Variants in QKI observed in about 807,000 individuals in gnomAD.
The protein encoded by QKI is KH domain-containing RNA-binding protein QKI.
QKI carries 10 observed loss-of-function variants against 39.0 expected under a neutral mutation model. The observed-to-expected ratio is 0.26, with a 90% CI of 0.16 to 0.43. The LOEUF is 0.43. QKI is among the 20% of genes least tolerant of loss of function. The pLI, the probability that QKI is intolerant of heterozygous loss-of-function variation, is 1.00. For missense variants in QKI, 218 were observed against 428.0 expected, an observed-to-expected ratio of 0.51 and a Z score of 4.33; for synonymous variants, 204 against 155.4, an observed-to-expected ratio of 1.31 and a Z score of -2.33.
chr6:163,519,768 T>C (rs1319511813), intron 3 of QKI, among the ~76,000 whole-genome samples: 2 of 152,144 alleles, frequency 1.3e-5, no homozygotes, highest in Non-Finnish European at 2.9e-5. Flanking sequence ...ACAATAATTA[T>C]TAATGATAGC....
chr6:163,563,811 G>A (rs796629417), intron 6 of QKI, 92 bp downstream of exon 6: 1 of 1,513,310 alleles, frequency 6.6e-7, no homozygotes, highest in African/African-American at 1.4e-5. Flanking sequence ...GTTTTAGAGA[G>A]GCAAGACAAG....
At chr6:163,442,124 T>G (rs898781106) in intron 1 of QKI, among the ~76,000 whole-genome samples, 1 of 152,186 alleles carries the variant, frequency 6.6e-6, no homozygotes, top group African/African-American at 2.4e-5. Flanking sequence ...TTGCAACAGA[T>G]TGAATTCAAG....
intron 4 of QKI, among the ~76,000 whole-genome samples, chr6:163,536,190 A>C (rs1016876704): frequency 6.6e-6 from 1 of 152,108 alleles, no homozygotes; most frequent in Non-Finnish European, 1.5e-5. Flanking sequence ...TGATCAGGTT[A>C]AATATAAACT....
chr6:163,448,334 G>T (rs1051116611), intron 1 of QKI, among the ~76,000 whole-genome samples: 2 of 146,528 alleles, frequency 1.4e-5, no homozygotes, highest in Non-Finnish European at 3.0e-5. Flanking sequence ...TAATAGCTTG[G>T]GTTTTTTTTT....
intron 1 of QKI, among the ~76,000 whole-genome samples, chr6:163,418,540 G>A (rs1193440278): frequency 6.6e-6 from 1 of 152,068 alleles, no homozygotes; most frequent in African/African-American, 2.4e-5. Flanking sequence ...TTCCACTGAA[G>A]TATCTTCAAC....
intron 6 of QKI, chr6:163,566,399 A>G: frequency 8.2e-7 from 1 of 1,223,958 alleles, no homozygotes; most frequent in Non-Finnish European, 1.0e-6. Context: ...GCTGCAAGAA[A>G]GGCACTTCAG....
At chr6:163,489,012 A>G (rs767423435) in intron 3 of QKI, among the ~76,000 whole-genome samples, 11 of 142,860 alleles carry the variant, frequency 7.7e-5, no homozygotes, top group Non-Finnish European at 1.4e-4. Flanking sequence ...GTTATGTAAC[A>G]GTTTTGTGTG....
intron 2 of QKI, among the ~76,000 whole-genome samples, chr6:163,468,970 A>C (rs190490703): frequency 6.6e-6 from 1 of 151,934 alleles, no homozygotes; most frequent in East Asian, 1.9e-4. Context: ...CGACAATTTC[A>C]GCTGTACTAG....
At chr6:163,541,632 A>G (rs187598874) in intron 4 of QKI, among the ~76,000 whole-genome samples, 2 of 152,086 alleles carry the variant, frequency 1.3e-5, no homozygotes, top group East Asian at 1.9e-4. Flanking sequence ...AATTTGGTGT[A>G]CACATGTACA....
chr6:163,565,019 T>TA, intron 6 of QKI: 1 of 1,205,826 alleles, frequency 8.3e-7, no homozygotes, highest in Non-Finnish European at 1.0e-6. Context: ...CTCTGTATGT[T>TA]ATCTGTGTGT....
chr6:163,568,865 T>C, intron 7 of QKI: 1 of 985,816 alleles, frequency 1.0e-6, no homozygotes, highest in Non-Finnish European at 1.2e-6. Flanking sequence ...TAATGAACTG[T>C]ATGGTCTTGC....
rs1783923879 is a variant in QKI at position 163,575,374 on chromosome 6, TAAC to T, written c.*4666_*4668del. On this transcript the variant is annotated 3_prime_UTR_variant, in exon 8 of 8. Coordinates refer to ENST00000361752, the MANE Select transcript of QKI (RefSeq NM_006775.3). Reference sequence around the variant, plus strand: ...GTAAAAAAGTTTTAAAAGGCGAAAATAACATTACAGATTTCATTTTTATACAGG... The same window carrying T: ...GTAAAAAAGTTTTAAAAGGCGAAAATATTACAGATTTCATTTTTATACAGG... 6.6e-6 allele frequency: 1 copy of T among 152,194 alleles called. No individual in the cohort carries two copies. Among genetic ancestry groups the T allele is most frequent in the African/African-American group, 2.4e-5 (1 of 41,456 alleles). 9.4% of individuals were successfully genotyped at this position (152,194 alleles called of 1,614,324 possible). A position where few individuals can be genotyped will look rare whatever the true frequency, so the allele number is the denominator to read the frequency against.
chr6:163,478,753 A>G lies in QKI; in HGVS notation c.286-27A>G, dbSNP rs1190621988. 4.2e-6 allele frequency: 6 copies of G among 1,442,802 alleles called. No individual in the cohort carries two copies. In the South Asian group the frequency reaches 7.2e-5, roughly 17 times the overall value. The allele number at this position is 1,442,802 out of a possible 1,614,324, so 89.4% of individuals were successfully genotyped here. On this transcript the variant is annotated intron_variant, in intron 2 of 7. Coordinates refer to ENST00000361752, the MANE Select transcript of QKI (RefSeq NM_006775.3). The stretch of plus-strand genomic sequence containing the variant: ...GTAAGTTCCAGCAAGTGAATAATGT[A>G]TAGTGATCCTTTTTTTTTTTTCTCA...
chr6:163,565,805 AT>A, intron 6 of QKI: 15 of 1,360,406 alleles, frequency 1.1e-5, no homozygotes, highest in Non-Finnish European at 1.4e-5. Flanking sequence ...TTTATGTCAC[AT>A]CTCACATTAA....
At chr6:163,455,497 T>C (rs1383054847) in intron 2 of QKI, 76 bp downstream of exon 2, 2 of 1,394,470 alleles carry the variant, frequency 1.4e-6, no homozygotes, top group South Asian at 2.7e-5. Context: ...TGGTGGTAAA[T>C]ACTTAAGCAT....
intron 2 of QKI, among the ~76,000 whole-genome samples, chr6:163,469,255 G>A (rs1446885618): frequency 2.0e-5 from 3 of 152,114 alleles, no homozygotes; most frequent in African/African-American, 4.8e-5. Context: ...CATGGGGTAT[G>A]CCAAACAAGG....
chr6:163,456,163 T>G (rs117436707), intron 2 of QKI, among the ~76,000 whole-genome samples: 3,304 of 152,306 alleles, frequency 0.022, 60 homozygotes, highest in Non-Finnish European at 0.033. Context: ...CATTAAGAAT[T>G]TAGCTCAAAT....
intron 1 of QKI, among the ~76,000 whole-genome samples, chr6:163,436,225 T>C (rs754744151): frequency 8.5e-5 from 13 of 152,204 alleles, no homozygotes; most frequent in Non-Finnish European, 1.9e-4. Context: ...ATTATACTTA[T>C]TGAAACTACT....
At chr6:163,513,490 C>T (rs1441744478) in intron 3 of QKI, among the ~76,000 whole-genome samples, 1 of 152,144 alleles carries the variant, frequency 6.6e-6, no homozygotes, top group Admixed American at 6.5e-5. Context: ...TTCGTCCTGT[C>T]ATTTCATTGT....
Sources: allele counts gnomAD v4.1 joint callset (sites outside exome capture counted in the v4.1 genomes callset), GRCh38; gene constraint gnomAD v4.1.1; transcripts MANE v1.5; gene names NCBI Gene and HGNC (gene_info 2026-07-23, HGNC 2026-07-21).